Variants in TMEM267 observed in about 807,000 individuals in gnomAD.
TMEM267 encodes transmembrane protein 267.
Under a neutral mutation model 19.3 loss-of-function variants are expected in TMEM267, and 20 were observed. The observed-to-expected ratio is 1.04, with a 90% CI of 0.73 to 1.51. The LOEUF is 1.51. Among genes scored for constraint, TMEM267 ranks in the 40% most tolerant of loss-of-function variants. The probability of loss-of-function intolerance (pLI) is 0.00; values close to 1 mark genes in which losing one functional copy is unlikely to be tolerated. For synonymous variants in TMEM267, 88 were observed against 90.3 expected, an observed-to-expected ratio of 0.97 and a Z score of 0.15; for missense variants, 242 against 261.9, an observed-to-expected ratio of 0.92 and a Z score of 0.52.
At chr5:43,450,502 A>G (rs572346278) in intron 2 of TMEM267, among the ~76,000 whole-genome samples, 55 of 152,310 alleles carry the variant, frequency 3.6e-4, no homozygotes, top group Non-Finnish European at 1.5e-5. Flanking sequence ...GCTGTACTTT[A>G]TGTGCACTAT....
intron 1 of TMEM267, among the ~76,000 whole-genome samples, chr5:43,466,477 T>C (rs1215002765): frequency 6.6e-6 from 1 of 152,080 alleles, no homozygotes; most frequent in East Asian, 1.9e-4. Context: ...AAATCAACAC[T>C]AGACCTGTCC....
At position 43,446,515 on chromosome 5, in the gene TMEM267, T is replaced by C; in HGVS notation, c.355A>G (p.Thr119Ala). The change falls in exon 3 of 3, where the codon ACT becomes GCT. Residue 119 changes from threonine (T) to alanine (A), a missense_variant. Physicochemically the swap from Thr to Ala is moderately conservative, Grantham distance 58 (BLOSUM62 0). Transcript: ENST00000397080. ...LPRRPFLHCS[T>A]VIPVVVLTLK... Reference sequence around the variant, plus strand: ...GTCAGAACCACAACGGGAATCACAGTAGAACAGTGAAGGAAAGGTCTTCGC... The same window carrying C: ...GTCAGAACCACAACGGGAATCACAGCAGAACAGTGAAGGAAAGGTCTTCGC... The C allele has an allele frequency of 6.2e-7, 1 of 1,613,810 alleles. No individual in the cohort carries two copies. The highest frequency in any genetic ancestry group is 8.5e-7 in the Non-Finnish European group (1 of 1,179,806).
chr5:43,446,415 C>T lies in TMEM267; in HGVS notation c.455G>A (p.Trp152Ter). ...CFLPWMLFIS[W>*]TSHHIRDGIR... is the part of the protein sequence containing the mutation. ...CCCATCTCGGATATGATGTGAAGTC[C>T]AGGATATAAATAACATCCAGGGAAG... The change falls in exon 3 of 3, where the codon TGG becomes TAG. Residue 152 changes from tryptophan (W) to a stop codon, truncating the protein, a stop_gained. Coordinates refer to ENST00000397080, the MANE Select transcript of TMEM267 (RefSeq NM_022483.5). LOFTEE classifies it high-confidence loss of function. The T allele has an allele frequency of 1.2e-6, 2 of 1,614,024 alleles. No individual in the cohort carries two copies. Among genetic ancestry groups the T allele is most frequent in the East Asian group, 4.5e-5 (2 of 44,870 alleles).
At chr5:43,464,493 A>G (rs1278415107) in intron 1 of TMEM267, among the ~76,000 whole-genome samples, 45 of 152,136 alleles carry the variant, frequency 3.0e-4, no homozygotes, top group South Asian at 8.3e-4. Context: ...AGCCCGCATT[A>G]CCAAGTCAAT....
At chr5:43,463,066 A>T (rs1169905315) in intron 1 of TMEM267, among the ~76,000 whole-genome samples, 1 of 152,202 alleles carries the variant, frequency 6.6e-6, no homozygotes, top group Non-Finnish European at 1.5e-5. Flanking sequence ...AAGAAAAGAG[A>T]GAAGAATCAA....
At chr5:43,448,585 T>G (rs921603839) in intron 2 of TMEM267, among the ~76,000 whole-genome samples, 4 of 152,174 alleles carry the variant, frequency 2.6e-5, no homozygotes, top group African/African-American at 9.7e-5. Flanking sequence ...GAGACCAGCC[T>G]GACCAACATG....
chr5:43,473,570 A>T (rs1744217413), intron 1 of TMEM267, among the ~76,000 whole-genome samples: 1 of 152,230 alleles, frequency 6.6e-6, no homozygotes. Context: ...GACCTCTTCA[A>T]GGAGAGCTAC....
intron 1 of TMEM267, among the ~76,000 whole-genome samples, chr5:43,475,883 T>C (rs1744389414): frequency 6.6e-6 from 1 of 152,136 alleles, no homozygotes; most frequent in African/African-American, 2.4e-5. Flanking sequence ...TATTAAAAGA[T>C]GAAAAAGATC....
intron 1 of TMEM267, among the ~76,000 whole-genome samples, chr5:43,472,992 G>T (rs1744178106): frequency 6.6e-6 from 1 of 151,878 alleles, no homozygotes; most frequent in African/African-American, 2.4e-5. Context: ...ACAAAAATTA[G>T]CCGGGTGTGG....
intron 1 of TMEM267, among the ~76,000 whole-genome samples, chr5:43,465,559 A>G (rs1292316539): frequency 6.6e-6 from 1 of 152,240 alleles, no homozygotes. Context: ...AACCAACCCA[A>G]ATGTCCAACA....
At chr5:43,479,967 T>C in intron 1 of TMEM267, 1 of 398,626 alleles carries the variant, frequency 2.5e-6, no homozygotes, top group South Asian at 1.8e-5. Flanking sequence ...TTGTCTCCTT[T>C]AGAAAACAAA....
intron 1 of TMEM267, among the ~76,000 whole-genome samples, chr5:43,473,780 CA>C (rs1430602863): frequency 2.1e-4 from 32 of 152,066 alleles, no homozygotes; most frequent in African/African-American, 7.7e-4. Context: ...CACATGGAAC[CA>C]AAAAACAGCA....
intron 1 of TMEM267, among the ~76,000 whole-genome samples, chr5:43,455,188 C>T (rs548745675): frequency 3.9e-5 from 6 of 152,230 alleles, no homozygotes; most frequent in Non-Finnish European, 7.4e-5. Context: ...CTTTAGGAGG[C>T]TGAGGCAGGA....
Position 43,453,746 on chromosome 5 carries a change from G to A in TMEM267, c.224C>T (p.Thr75Ile). 6.2e-7 allele frequency: 1 copy of A among 1,613,994 alleles called. No individual in the cohort carries two copies. ...WAVVTGIKKKTDFGEIILAGF... is the reference protein window; with the variant it reads ...WAVVTGIKKKIDFGEIILAGF... Reference sequence around the variant, plus strand: ...AGCTAAAATGATTTCTCCAAAGTCAGTCTTCTTCTTGATTCCAGTGACTAC... The same window carrying A: ...AGCTAAAATGATTTCTCCAAAGTCAATCTTCTTCTTGATTCCAGTGACTAC... Residue 75 changes from threonine (T) to isoleucine (I), a missense_variant, in exon 2 of 3, where the codon ACT becomes ATT. Physicochemically the swap from Thr to Ile is moderately conservative, Grantham distance 89 (BLOSUM62 -1). Coordinates refer to ENST00000397080, the MANE Select transcript of TMEM267 (RefSeq NM_022483.5).
intron 1 of TMEM267, among the ~76,000 whole-genome samples, chr5:43,459,621 G>A (rs1055015937): frequency 7.9e-5 from 12 of 152,174 alleles, no homozygotes; most frequent in African/African-American, 2.4e-4. Flanking sequence ...AATTAGAACT[G>A]AAAAGGATAA....
intron 1 of TMEM267, among the ~76,000 whole-genome samples, chr5:43,476,508 CTTTTTTTTTTTTTTT>C (rs67848213): frequency 5.5e-5 from 3 of 54,796 alleles, no homozygotes; most frequent in African/African-American, 7.8e-5. Context: ...AAAGCCAGAC[CTTTTTTTTTTTTTTT>C]TTTTTTTTTT....
intron 1 of TMEM267, among the ~76,000 whole-genome samples, chr5:43,456,026 CT>C (rs1332921139): frequency 6.6e-6 from 1 of 151,708 alleles, no homozygotes; most frequent in Non-Finnish European, 1.5e-5. Context: ...CAAGGTCTCC[CT>C]GTCTCTAGAG....
chr5:43,462,316 T>TA (rs1361498062), intron 1 of TMEM267, among the ~76,000 whole-genome samples: 3 of 152,006 alleles, frequency 2.0e-5, no homozygotes, highest in African/African-American at 7.3e-5. Context: ...GAAGGACGGG[T>TA]ACAAATAAGC....
intron 1 of TMEM267, among the ~76,000 whole-genome samples, chr5:43,468,135 G>A (rs541102786): frequency 5.4e-4 from 82 of 150,988 alleles, no homozygotes; most frequent in Admixed American, 7.3e-4. Context: ...GGGGGGGCGG[G>A]TGTCTAGTTA....
Sources: allele counts gnomAD v4.1 joint callset (sites outside exome capture counted in the v4.1 genomes callset), GRCh38; gene constraint gnomAD v4.1.1; transcripts MANE v1.5; gene names NCBI Gene and HGNC (gene_info 2026-07-23, HGNC 2026-07-21).